GTF2A1: variants seen among roughly 807,000 people sequenced by gnomAD.
GTF2A1 encodes general transcription factor IIA subunit 1.
GTF2A1 carries 12 observed loss-of-function variants against 54.1 expected under a neutral mutation model. The ratio of observed to expected loss-of-function variants is 0.22; its 90% confidence interval spans 0.14 to 0.36. The LOEUF (loss-of-function observed/expected upper bound fraction) is 0.36, where lower values mean the gene tolerates loss of function less well. Ranked by LOEUF, GTF2A1 falls within the 10% of genes least tolerant of loss-of-function variation. The pLI is 1.00. For missense variants in GTF2A1, 335 were observed against 442.2 expected (o/e 0.76, Z 2.17); for synonymous variants, 145 against 152.0 (o/e 0.95, Z 0.34).
chr14:81,207,395 CT>C (rs970428374), intron 2 of GTF2A1, among the ~76,000 whole-genome samples: 2 of 152,124 alleles, frequency 1.3e-5, no homozygotes, highest in African/African-American at 4.8e-5. Flanking sequence ...TAAGAAGAGC[CT>C]TTCACCTACC....
Position 81,220,578 on chromosome 14 carries a change from CAAA to C in GTF2A1, c.-63_-61del. The C allele has an allele frequency of 3.3e-5, 33 of 1,002,090 alleles. No individual in the cohort carries two copies. Among genetic ancestry groups the C allele is most frequent in the Admixed American group, 6.5e-5 (2 of 30,746 alleles). The allele number at this position is 1,002,090 out of a possible 1,614,324, so 62.1% of individuals were successfully genotyped here. A position where few individuals can be genotyped will look rare whatever the true frequency, so the allele number is the denominator to read the frequency against. ...CAAGAAAACAAGATAAAAACAAAACCAAAAAAAAAAAAACTATAACACCCGGAG... is the reference window on the plus strand; with the variant it reads ...CAAGAAAACAAGATAAAAACAAAACCAAAAAAAAAACTATAACACCCGGAG... On this transcript the variant is annotated 5_prime_UTR_variant, in exon 1 of 9. Coordinates refer to ENST00000553612, the MANE Select transcript of GTF2A1 (RefSeq NM_015859.4).
At chr14:81,195,632 GAAAAAA>G (rs34366586) in intron 6 of GTF2A1, among the ~76,000 whole-genome samples, 3 of 118,558 alleles carry the variant, frequency 2.5e-5, no homozygotes, top group African/African-American at 6.6e-5. Flanking sequence ...ACTCTGTCTC[GAAAAAA>G]AAAAAAAAAA....
rs558037987 is a variant in GTF2A1, at chr14:81,210,885, A to G, written c.132+5528T>C. Among the ~76,000 whole-genome samples the G allele has an allele frequency of 3.3e-5, 5 of 152,294 alleles. No individual in the cohort carries two copies. In the East Asian group the frequency reaches 7.7e-4, roughly 24 times the overall value. On this transcript the variant is annotated intron_variant, in intron 2 of 8. Coordinates refer to ENST00000553612, the MANE Select transcript of GTF2A1 (RefSeq NM_015859.4). ...CACCCAGCCACTAACATAGTATTGA[A>G]AACAATCAGGAATACTAATCTTTGC...
At position 81,175,909 on chromosome 14, in the gene GTF2A1, G is replaced by A. The variant is rs903011325; in HGVS notation, c.*4314C>T. The A allele has an allele frequency of 2.6e-5, 4 of 152,072 alleles. No individual in the cohort carries two copies. Among genetic ancestry groups the A allele is most frequent in the African/African-American group, 9.7e-5 (4 of 41,406 alleles). 9.4% of individuals were successfully genotyped at this position (152,072 alleles called of 1,614,324 possible). On this transcript the variant is annotated 3_prime_UTR_variant, in exon 9 of 9. Coordinates refer to ENST00000553612, the MANE Select transcript of GTF2A1 (RefSeq NM_015859.4). ...GTGAATTCGCCCAACCTAAATTCCTGTGTGCCTGGAAAATACAACTTTTTA... is the reference window on the plus strand; with the variant it reads ...GTGAATTCGCCCAACCTAAATTCCTATGTGCCTGGAAAATACAACTTTTTA...
At chr14:81,201,795 A>G (rs2140161697) in intron 3 of GTF2A1, 137 bp from the exon 4 acceptor site, 2 of 641,746 alleles carry the variant, frequency 3.1e-6, no homozygotes, top group Non-Finnish European at 5.6e-6. Flanking sequence ...CAATCATTTC[A>G]TCTCAGGACA....
rs889470292 is a variant in GTF2A1 at position 81,177,340 on chromosome 14, T to C, written c.*2883A>G. Reference sequence around the variant, plus strand: ...AAGATCCCCCTCACATAACAGACATTTTACTCTAGAAATTAATTGCACATT... The same window carrying C: ...AAGATCCCCCTCACATAACAGACATCTTACTCTAGAAATTAATTGCACATT... On this transcript the variant is annotated 3_prime_UTR_variant, in exon 9 of 9. Transcript: ENST00000553612. 2.6e-5 allele frequency: 4 copies of C among 152,084 alleles called. No individual in the cohort carries two copies. The highest frequency in any genetic ancestry group is 9.7e-5 in the African/African-American group (4 of 41,436). 9.4% of individuals were successfully genotyped at this position (152,084 alleles called of 1,614,324 possible). A position where few individuals can be genotyped will look rare whatever the true frequency, so the allele number is the denominator to read the frequency against.
At position 81,200,814 on chromosome 14, in the gene GTF2A1, C is replaced by T. The variant is rs538928848; in HGVS notation, c.402+780G>A. Among the ~76,000 whole-genome samples the T allele has an allele frequency of 2.5e-4, 34 of 137,148 alleles. 1 individual carries two copies. The East Asian group carries it at 6.9e-3, about 28-fold the overall frequency. The allele number at this position is 137,148 out of a possible 152,430, so 90.0% of individuals were successfully genotyped here. ...AAATCAACAGTCTGTATATTTTAAA[C>T]AGAATAAAGAAAAACCATTTATAAG... On this transcript the variant is annotated intron_variant, in intron 4 of 8. Coordinates refer to ENST00000553612, the MANE Select transcript of GTF2A1 (RefSeq NM_015859.4).
chr14:81,216,359 G>T, intron 2 of GTF2A1, 54 bp downstream of exon 2: 2 of 794,814 alleles, frequency 2.5e-6, no homozygotes, highest in East Asian at 2.5e-5. Context: ...TCCGGCTAAA[G>T]AAAATGTTTT....
chr14:81,187,535 G>C (rs1892776908), intron 7 of GTF2A1, among the ~76,000 whole-genome samples: 3 of 152,018 alleles, frequency 2.0e-5, no homozygotes, highest in African/African-American at 7.2e-5. Flanking sequence ...CATTCTCCCT[G>C]TCCCCTGGCA....
intron 2 of GTF2A1, among the ~76,000 whole-genome samples, chr14:81,215,984 C>A (rs1893480358): frequency 6.6e-6 from 1 of 152,204 alleles, no homozygotes. Flanking sequence ...TGTGCCACTG[C>A]ACTCCAGCCT....
intron 6 of GTF2A1, 109 bp downstream of exon 6, chr14:81,195,999 T>C: frequency 1.1e-6 from 1 of 921,136 alleles, no homozygotes; most frequent in Non-Finnish European, 1.7e-6. Flanking sequence ...ACTGGGTCTG[T>C]AGCACTGAAA....
At position 81,197,422 on chromosome 14, in the gene GTF2A1, T is replaced by A; in HGVS notation, c.465A>T (p.Ile155=). The part of the protein sequence containing the change: ...LPAGVTPVQQ[I]LTNSGQLLQV... ...ATTCCTAATTACCTGAATTTGTTAATATCTGCTGAACAGGAGTCACACCTG... is the reference window on the plus strand; with the variant it reads ...ATTCCTAATTACCTGAATTTGTTAAAATCTGCTGAACAGGAGTCACACCTG... Residue 155 remains isoleucine (I), a synonymous_variant, in exon 5 of 9, where the codon ATA becomes ATT. Coordinates refer to ENST00000553612, the MANE Select transcript of GTF2A1 (RefSeq NM_015859.4). 6.4e-7 allele frequency: 1 copy of A among 1,551,564 alleles called. No individual in the cohort carries two copies. The highest frequency in any genetic ancestry group is 8.9e-7 in the Non-Finnish European group (1 of 1,128,294).
At chr14:81,194,763 G>C (rs1050537489) in intron 6 of GTF2A1, among the ~76,000 whole-genome samples, 15 of 152,146 alleles carry the variant, frequency 9.9e-5, no homozygotes, top group African/African-American at 3.6e-4. Flanking sequence ...AAAGAAACAA[G>C]ATCCACAAAA....
intron 1 of GTF2A1, among the ~76,000 whole-genome samples, chr14:81,219,550 GT>G: frequency 6.6e-6 from 1 of 152,350 alleles, no homozygotes; most frequent in East Asian, 1.9e-4. Context: ...AGCCATGATG[GT>G]TAGACCCGAG....
At position 81,216,461 on chromosome 14, in the gene GTF2A1, G is replaced by A; in HGVS notation, c.84C>T (p.Ile28=). 6.5e-6 allele frequency: 10 copies of A among 1,549,132 alleles called. No individual in the cohort carries two copies. The highest frequency in any genetic ancestry group is 8.9e-6 in the Non-Finnish European group (10 of 1,121,368). The change falls in exon 2 of 9, where the codon ATC becomes ATT. Residue 28 remains isoleucine (I), a synonymous_variant. Coordinates refer to ENST00000553612, the MANE Select transcript of GTF2A1 (RefSeq NM_015859.4). ...IEDVINDVRD[I]FLDDGVDEQV... The stretch of plus-strand genomic sequence containing the variant: ...GTTCATCCACTCCATCATCCAGAAA[G>A]ATGTCTCTCACATCATTAATGACAT...
At chr14:81,192,404 G>A in intron 7 of GTF2A1, 115 bp downstream of exon 7, 1 of 731,198 alleles carries the variant, frequency 1.4e-6, no homozygotes, top group African/African-American at 1.8e-5. Context: ...AAAATCTTAT[G>A]TTGTACAGCA....
chr14:81,213,108 G>C (rs1004006131), intron 2 of GTF2A1, among the ~76,000 whole-genome samples: 1 of 152,202 alleles, frequency 6.6e-6, no homozygotes, highest in Non-Finnish European at 1.5e-5. Flanking sequence ...TGTTCAGTTA[G>C]ATTCAGGTGC....
chr14:81,201,351 G>A (rs1284383572), intron 4 of GTF2A1, among the ~76,000 whole-genome samples: 1 of 152,126 alleles, frequency 6.6e-6, no homozygotes, highest in African/African-American at 2.4e-5. Flanking sequence ...AAATAGTAGG[G>A]AATGGAATAA....
intron 7 of GTF2A1, among the ~76,000 whole-genome samples, chr14:81,186,638 G>C (rs1444807926): frequency 6.6e-6 from 1 of 152,178 alleles, no homozygotes; most frequent in Non-Finnish European, 1.5e-5. Context: ...AACCAAAGTA[G>C]AGAAGACAAT....
Sources: gnomAD v4.1 joint callset for allele counts (sites outside exome capture counted in the v4.1 genomes callset) on GRCh38, gnomAD v4.1.1 for gene constraint, MANE v1.5 for transcripts, NCBI Gene and HGNC (gene_info 2026-07-23, HGNC 2026-07-21) for gene names.